The following LMO4 variants were observed in gnomAD, a reference collection of about 807,000 sequenced individuals.
LMO4 encodes LIM domain transcription factor LMO4.
Under a neutral mutation model 18.5 loss-of-function variants are expected in LMO4, and 3 were observed. The observed-to-expected ratio is 0.16, with a 90% CI of 0.07 to 0.42. LMO4 has a LOEUF of 0.42. Among genes scored for constraint, LMO4 ranks in the 10% least tolerant of loss-of-function variants. The pLI is 0.99. For synonymous variants in LMO4, 100 were observed against 88.1 expected, an observed-to-expected ratio of 1.14 and a Z score of -0.76; for missense variants, 121 against 219.9, an observed-to-expected ratio of 0.55 and a Z score of 2.84.
At chr1:87,333,942 C>CAAA (rs78559370) in intron 2 of LMO4, among the ~76,000 whole-genome samples, 20 of 109,960 alleles carry the variant, frequency 1.8e-4, no homozygotes, top group African/African-American at 3.7e-4. Flanking sequence ...CGAGTGCCTT[C>CAAA]AAAAAAAAAA....
chr1:87,348,808 G>A lies in LMO4; in HGVS notation c.*4012G>A. 1 of 496,012 alleles carries A rather than the reference G, an allele frequency of 2.0e-6. No individual in the cohort carries two copies. The highest frequency in any genetic ancestry group is 4.0e-6 in the Non-Finnish European group (1 of 248,478). The allele number at this position is 496,012 out of a possible 1,614,324, so 30.7% of individuals were successfully genotyped here. ...AGATTGATTCTGCTGAGAATGGACG[G>A]CAACTCGGAGGCCTCAAGCCAATAA... is the stretch of plus-strand genomic sequence containing the variant. On this transcript the variant is annotated 3_prime_UTR_variant, in exon 5 of 5. Transcript: ENST00000370544.
rs899131513 is a variant in LMO4 at position 87,346,579 on chromosome 1, A to AGC, written c.*1784_*1785dup. On this transcript the variant is annotated 3_prime_UTR_variant, in exon 5 of 5. Transcript: ENST00000370544. ...GGAGCCATGTAGAGAGGTGTAGCTC[A>AGC]GCACATCTCAACTACCAGTCAGCTT... is the stretch of plus-strand genomic sequence containing the variant. 16 of 152,208 alleles carry AGC rather than the reference A, an allele frequency of 1.1e-4. No homozygotes were observed. The highest frequency in any genetic ancestry group is 4.4e-5 in the Non-Finnish European group (3 of 68,034). The allele number at this position is 152,208 out of a possible 1,614,324, so 9.4% of individuals were successfully genotyped here.
intron 4 of LMO4, among the ~76,000 whole-genome samples, chr1:87,342,207 G>A (rs1425095173): frequency 1.3e-5 from 2 of 152,206 alleles, no homozygotes; most frequent in Admixed American, 6.5e-5. Context: ...GATGGAAAAT[G>A]TTGCTAGATT....
At chr1:87,341,847 T>C (rs1172994083) in intron 4 of LMO4, among the ~76,000 whole-genome samples, 3 of 152,220 alleles carry the variant, frequency 2.0e-5, no homozygotes, top group Non-Finnish European at 4.4e-5. Flanking sequence ...CCAAGACATA[T>C]AAATGCTTAA....
Position 87,331,862 on chromosome 1 carries a change from C to T in LMO4, c.-3-151C>T, listed in dbSNP as rs987341392. 28 of 625,480 alleles carry T rather than the reference C, an allele frequency of 4.5e-5. No individual in the cohort carries two copies. The South Asian group carries it at 5.1e-4, about 11-fold the overall frequency. The allele number at this position is 625,480 out of a possible 1,614,324, so 38.7% of individuals were successfully genotyped here. Reference sequence around the variant, plus strand: ...CGAGCCTCCCTTCTTCCCTCTCCCCCTCAGCCTCCTTCCCGCCCTTGCCCT... The same window carrying T: ...CGAGCCTCCCTTCTTCCCTCTCCCCTTCAGCCTCCTTCCCGCCCTTGCCCT... On this transcript the variant is annotated intron_variant, in intron 1 of 4. Transcript: ENST00000370544.
intron 1 of LMO4, among the ~76,000 whole-genome samples, chr1:87,330,103 T>C (rs963728550): frequency 6.6e-6 from 1 of 151,900 alleles, no homozygotes; most frequent in African/African-American, 2.4e-5. Flanking sequence ...TTGATTCATC[T>C]CTTTTAGATT....
chr1:87,331,724 GT>G, intron 1 of LMO4: 1 of 442,654 alleles, frequency 2.3e-6, no homozygotes, highest in Non-Finnish European at 4.0e-6. Flanking sequence ...TGCTCTCGGA[GT>G]TTTGACAGTA....
At chr1:87,333,747 G>A (rs1193381555) in intron 2 of LMO4, among the ~76,000 whole-genome samples, 1 of 152,152 alleles carries the variant, frequency 6.6e-6, no homozygotes, top group African/African-American at 2.4e-5. Context: ...AGAAGTAAAT[G>A]TTGGAAAATC....
chr1:87,344,352 A>G (rs1276439044), intron 4 of LMO4, among the ~76,000 whole-genome samples: 1 of 152,216 alleles, frequency 6.6e-6, no homozygotes, highest in African/African-American at 2.4e-5. Context: ...AGACACAAGC[A>G]GTTTAAGCAA....
chr1:87,344,979 A>G lies in LMO4; in HGVS notation c.*183A>G. 1 of 506,904 alleles carries G rather than the reference A, an allele frequency of 2.0e-6. No individual in the cohort carries two copies. The highest frequency in any genetic ancestry group is 3.0e-4 in the Middle Eastern group (1 of 3,344). The allele number at this position is 506,904 out of a possible 1,614,324, so 31.4% of individuals were successfully genotyped here. ...TATTGGTGTATTAAAATGACTGAATATGAACATTAAGGACTCCATGAACCT... is the reference window on the plus strand; with the variant it reads ...TATTGGTGTATTAAAATGACTGAATGTGAACATTAAGGACTCCATGAACCT... On this transcript the variant is annotated 3_prime_UTR_variant, in exon 5 of 5. Coordinates refer to ENST00000370544, the MANE Select transcript of LMO4 (RefSeq NM_006769.4).
chr1:87,331,403 C>A (rs1482911911), intron 1 of LMO4: 1 of 152,576 alleles, frequency 6.6e-6, no homozygotes, highest in Non-Finnish European at 1.5e-5. Flanking sequence ...ACCACGCTCT[C>A]CGTCTCCCGT....
rs753988460 is a variant in LMO4 at position 87,332,097 on chromosome 1, G to A, written c.82G>A (p.Gly28Ser). 1.2e-6 allele frequency: 2 copies of A among 1,613,998 alleles called. No individual in the cohort carries two copies. Among genetic ancestry groups the A allele is most frequent in the Non-Finnish European group, 8.5e-7 (1 of 1,180,026 alleles). The change falls in exon 2 of 5, where the codon GGC becomes AGC. Residue 28 changes from glycine (G) to serine (S), a missense_variant. Coordinates refer to ENST00000370544, the MANE Select transcript of LMO4 (RefSeq NM_006769.4). ...LSWKRCAGCG[G>S]KIADRFLLYA... The stretch of plus-strand genomic sequence containing the variant: ...CTGGAAGCGGTGCGCAGGCTGCGGG[G>A]GCAAGATTGCGGACCGCTTTCTGCT...
rs1465620829 is a variant in LMO4, at chr1:87,347,759, G to T, written c.*2963G>T. The T allele has an allele frequency of 6.6e-6, 1 of 152,144 alleles. No individual in the cohort carries two copies. The highest frequency in any genetic ancestry group is 1.9e-4 in the East Asian group (1 of 5,198). 9.4% of individuals were successfully genotyped at this position (152,144 alleles called of 1,614,324 possible). On this transcript the variant is annotated 3_prime_UTR_variant, in exon 5 of 5. Transcript: ENST00000370544. ...TGTAAAAAGATAGTCCTCTAAAAGG[G>T]TTTAATGTTTTTTACCTATCTAACT...
intron 4 of LMO4, among the ~76,000 whole-genome samples, chr1:87,341,214 C>G (rs1392480474): frequency 2.6e-5 from 4 of 152,160 alleles, no homozygotes; most frequent in African/African-American, 9.7e-5. Context: ...TTCATTTACT[C>G]TTTACAGCGC....
chr1:87,333,601 T>C (rs3795314), intron 2 of LMO4, among the ~76,000 whole-genome samples: 12,557 of 152,218 alleles, frequency 0.082, 833 homozygotes, highest in East Asian at 0.18. Flanking sequence ...AAAATGACAT[T>C]TAGTTATTTT....
At position 87,345,857 on chromosome 1, in the gene LMO4, T is replaced by A. The variant is rs1650610444; in HGVS notation, c.*1061T>A. ...CGTTACACTTCTATATCACAGTAAG[T>A]CTTTTGTGTTTATAAATACTTGAGT... On this transcript the variant is annotated 3_prime_UTR_variant, in exon 5 of 5. Coordinates refer to ENST00000370544, the MANE Select transcript of LMO4 (RefSeq NM_006769.4). The A allele has an allele frequency of 6.6e-6, 1 of 152,214 alleles. No individual in the cohort carries two copies. Among genetic ancestry groups the A allele is most frequent in the South Asian group, 2.1e-4 (1 of 4,832 alleles). 9.4% of individuals were successfully genotyped at this position (152,214 alleles called of 1,614,324 possible). A position where few individuals can be genotyped will look rare whatever the true frequency, so the allele number is the denominator to read the frequency against.
In LMO4 at chr1:87,347,231, C is replaced by T. The variant is rs1043907047; in HGVS notation, c.*2435C>T. ...GTGATGAAGCCTTCTCTTTGATGTG[C>T]TAAATTGGAGAAGGACTAATGGAGC... On this transcript the variant is annotated 3_prime_UTR_variant, in exon 5 of 5. Transcript: ENST00000370544. The T allele has an allele frequency of 1.3e-5, 2 of 152,078 alleles. No homozygotes were observed. The highest frequency in any genetic ancestry group is 6.6e-5 in the Admixed American group (1 of 15,264). The allele number at this position is 152,078 out of a possible 1,614,324, so 9.4% of individuals were successfully genotyped here. A position where few individuals can be genotyped will look rare whatever the true frequency, so the allele number is the denominator to read the frequency against.
chr1:87,336,055 C>T (rs1255413356), intron 2 of LMO4, among the ~76,000 whole-genome samples: 1 of 115,338 alleles, frequency 8.7e-6, no homozygotes, highest in Non-Finnish European at 1.7e-5. Context: ...TGCACAGCCC[C>T]CCTCTTAAGT....
At chr1:87,337,614 A>T (rs958045868) in intron 2 of LMO4, among the ~76,000 whole-genome samples, 2 of 152,118 alleles carry the variant, frequency 1.3e-5, no homozygotes, top group East Asian at 1.9e-4. Context: ...CTCAGCATGT[A>T]TTTGGCCACA....
Sources: gnomAD v4.1 joint callset for allele counts (sites outside exome capture counted in the v4.1 genomes callset) on GRCh38, gnomAD v4.1.1 for gene constraint, MANE v1.5 for transcripts, NCBI Gene and HGNC (gene_info 2026-07-23, HGNC 2026-07-21) for gene names.